Variants in KATNAL2 observed in about 807,000 individuals in gnomAD.
KATNAL2 encodes the protein katanin catalytic subunit A1 like 2.
KATNAL2 carries 52 observed loss-of-function variants against 76.3 expected under a neutral mutation model. That is an observed-to-expected ratio of 0.68 (90% CI 0.55 to 0.86). KATNAL2 has a LOEUF of 0.86. Ranked by LOEUF, KATNAL2 falls within the 40% of genes least tolerant of loss-of-function variation. The probability of loss-of-function intolerance (pLI) is 0.00; values close to 1 mark genes in which losing one functional copy is unlikely to be tolerated. For missense variants in KATNAL2, 660 were observed against 668.9 expected (o/e 0.99, Z 0.15); for synonymous variants, 243 against 244.2 (o/e 1.00, Z 0.05).
intron 3 of KATNAL2, among the ~76,000 whole-genome samples, chr18:46,955,140 C>CTCTTTCTCTCTTTCTT (rs1555834719): frequency 1.2e-5 from 1 of 85,020 alleles, no homozygotes; most frequent in Non-Finnish European, 2.3e-5. Flanking sequence ...CTTTCTCTCT[C>CTCTTTCTCTCTTTCTT]TCTTTCTTTC....
intron 3 of KATNAL2, among the ~76,000 whole-genome samples, chr18:46,957,286 C>T (rs2059784337): frequency 7.4e-6 from 1 of 134,764 alleles, no homozygotes; most frequent in Admixed American, 8.3e-5. Context: ...GACGGAGTCT[C>T]GCTGTCGCCC....
intron 15 of KATNAL2, among the ~76,000 whole-genome samples, chr18:47,090,930 A>G (rs1308960353): frequency 6.6e-6 from 1 of 152,234 alleles, no homozygotes; most frequent in Non-Finnish European, 1.5e-5. Context: ...GTTAATAAAT[A>G]TTAATTTCCA....
intron 15 of KATNAL2, among the ~76,000 whole-genome samples, chr18:47,092,350 A>T (rs906312141): frequency 2.0e-5 from 3 of 152,120 alleles, no homozygotes; most frequent in Non-Finnish European, 4.4e-5. Flanking sequence ...AATACAAAAA[A>T]TAGCCCAGCA....
chr18:47,090,145 C>T (rs1339207762), intron 15 of KATNAL2, among the ~76,000 whole-genome samples: 2 of 151,634 alleles, frequency 1.3e-5, no homozygotes, highest in African/African-American at 4.8e-5. Flanking sequence ...CTCACTCTGT[C>T]CCCCAGGCTA....
At chr18:46,918,590 G>T (rs2058280611) in intron 1 of KATNAL2, among the ~76,000 whole-genome samples, 1 of 152,050 alleles carries the variant, frequency 6.6e-6, no homozygotes, top group South Asian at 2.1e-4. Context: ...GAGTAGCTGC[G>T]ATTGTATTTT....
intron 3 of KATNAL2, among the ~76,000 whole-genome samples, chr18:46,962,146 C>T (rs529804649): frequency 1.5e-5 from 2 of 135,988 alleles, no homozygotes; most frequent in East Asian, 5.1e-4. Context: ...ACCACAGGGG[C>T]CGTGCCACCA....
At chr18:46,942,946 G>C (rs1169686954) in intron 1 of KATNAL2, among the ~76,000 whole-genome samples, 1 of 151,944 alleles carries the variant, frequency 6.6e-6, no homozygotes, top group Non-Finnish European at 1.5e-5. Context: ...TATTTTGTCA[G>C]GCAGATAAGT....
At chr18:46,960,294 C>T (rs1242671698) in intron 3 of KATNAL2, among the ~76,000 whole-genome samples, 1 of 151,986 alleles carries the variant, frequency 6.6e-6, no homozygotes, top group African/African-American at 2.4e-5. Flanking sequence ...AAAAAATTAG[C>T]TGGGCATGGT....
At chr18:47,039,507 T>C (rs2147002686) in intron 3 of KATNAL2, among the ~76,000 whole-genome samples, 1 of 152,270 alleles carries the variant, frequency 6.6e-6, no homozygotes, top group South Asian at 2.1e-4. Flanking sequence ...TTTTCCCTAA[T>C]GAGTTTTTCA....
At chr18:47,082,140 T>C (rs898795530) in intron 15 of KATNAL2, among the ~76,000 whole-genome samples, 12 of 152,206 alleles carry the variant, frequency 7.9e-5, no homozygotes, top group Non-Finnish European at 1.6e-4. Context: ...GACATTCTGA[T>C]GTGGAAAATG....
chr18:47,045,098 C>CA lies in KATNAL2; in HGVS notation c.52-1350dup, dbSNP rs1273935362. Among the ~76,000 whole-genome samples the CA allele has an allele frequency of 3.8e-5, 5 of 133,038 alleles. No individual in the cohort carries two copies. The South Asian group carries it at 7.2e-4, about 19-fold the overall frequency. The allele number at this position is 133,038 out of a possible 152,430, so 87.3% of individuals were successfully genotyped here. On this transcript the variant is annotated intron_variant, in intron 3 of 17. Transcript: ENST00000683218. Reference sequence around the variant, plus strand: ...TGGGCCACAGGGTGAGACCCTGTCTCAAAAAAAAATTAAAAAAGAAAAAAA... The same window carrying CA: ...TGGGCCACAGGGTGAGACCCTGTCTCAAAAAAAAAATTAAAAAAGAAAAAAA...
At position 47,052,880 on chromosome 18, in the gene KATNAL2, G is replaced by T. The variant is rs748170987; in HGVS notation, c.123G>T (p.Gly41=). Residue 41 remains glycine (G), a splice_region_variant and synonymous_variant, in exon 5 of 18, where the codon GGG becomes GGT. Transcript: ENST00000683218. ...ILISHYLTQE[G]YIDTANALEQ... ...TCTTTTTATTCTGTGAAACTGCCAG[G>T]TATATCGATACAGCAAATGCTTTGG... is the stretch of plus-strand genomic sequence containing the variant. 4.7e-5 allele frequency: 75 copies of T among 1,597,480 alleles called. No homozygotes were observed. Among genetic ancestry groups the T allele is most frequent in the Non-Finnish European group, 6.2e-5 (73 of 1,174,442 alleles).
At position 47,101,163 on chromosome 18, in the gene KATNAL2, A is replaced by G. The variant is rs1203289671; in HGVS notation, c.*158A>G. The G allele has an allele frequency of 5.2e-6, 4 of 769,402 alleles. No homozygotes were observed. Among genetic ancestry groups the G allele is most frequent in the South Asian group, 1.9e-5 (1 of 52,830 alleles). 47.7% of individuals were successfully genotyped at this position (769,402 alleles called of 1,614,324 possible). A position where few individuals can be genotyped will look rare whatever the true frequency, so the allele number is the denominator to read the frequency against. ...CTGTATTGTTTTGGATAGCTGAGAT[A>G]TATTTATTAACTTACCATTATCGAT... On this transcript the variant is annotated 3_prime_UTR_variant, in exon 18 of 18. Transcript: ENST00000683218.
chr18:46,936,477 C>T (rs1192681133), intron 1 of KATNAL2, among the ~76,000 whole-genome samples: 1 of 152,096 alleles, frequency 6.6e-6, no homozygotes, highest in Non-Finnish European at 1.5e-5. Context: ...TGGTGGTATG[C>T]ACCTGTATTC....
rs1220607445 is a variant in KATNAL2, at chr18:47,058,096, G to A, written c.333-139G>A. The A allele has an allele frequency of 1.4e-5, 9 of 643,556 alleles. No individual in the cohort carries two copies. In the East Asian group the frequency reaches 2.2e-4, roughly 15 times the overall value. The allele number at this position is 643,556 out of a possible 1,614,324, so 39.9% of individuals were successfully genotyped here. A position where few individuals can be genotyped will look rare whatever the true frequency, so the allele number is the denominator to read the frequency against. ...ATGGACCTGGTGGGTGGATCACATAGGTGGAAGGGCCCTATAGTTGCCACC... is the reference window on the plus strand; with the variant it reads ...ATGGACCTGGTGGGTGGATCACATAAGTGGAAGGGCCCTATAGTTGCCACC... On this transcript the variant is annotated intron_variant, in intron 6 of 17. Coordinates refer to ENST00000683218, the MANE Select transcript of KATNAL2 (RefSeq NM_001387690.1).
intron 1 of KATNAL2, among the ~76,000 whole-genome samples, chr18:46,928,350 C>T (rs1034899967): frequency 6.6e-6 from 1 of 152,220 alleles, no homozygotes; most frequent in African/African-American, 2.4e-5. Flanking sequence ...TAGAGGTCCA[C>T]TCCAGACCCT....
intron 1 of KATNAL2, among the ~76,000 whole-genome samples, chr18:46,944,508 G>A (rs1167453507): frequency 6.6e-6 from 1 of 152,140 alleles, no homozygotes; most frequent in Non-Finnish European, 1.5e-5. Flanking sequence ...AGGGGTGGGG[G>A]TGGATCACTT....
chr18:46,930,041 T>G (rs2058858700), intron 1 of KATNAL2, among the ~76,000 whole-genome samples: 1 of 152,200 alleles, frequency 6.6e-6, no homozygotes, highest in Admixed American at 6.5e-5. Flanking sequence ...CCCAAAGTGC[T>G]GGGATTACAG....
rs576920173 is a variant in KATNAL2 at position 47,038,300 on chromosome 18, G to T, written c.52-8157G>T. ...TTATCCTGATTAACTGTGTTAATTA[G>T]GTCAGTGGTTCACTGTTTAAATGAC... On this transcript the variant is annotated intron_variant, in intron 3 of 17. Transcript: ENST00000683218. Among the ~76,000 whole-genome samples, 3 of 152,250 alleles carry T rather than the reference G, an allele frequency of 2.0e-5. No individual in the cohort carries two copies. The South Asian group carries it at 6.2e-4, about 32-fold the overall frequency.
Sources: allele counts gnomAD v4.1 joint callset (sites outside exome capture counted in the v4.1 genomes callset), GRCh38; gene constraint gnomAD v4.1.1; transcripts MANE v1.5; gene names NCBI Gene and HGNC (gene_info 2026-07-23, HGNC 2026-07-21).